ANPEP: variants seen among roughly 807,000 people sequenced by gnomAD.
ANPEP encodes the protein alanyl aminopeptidase, membrane.
In ANPEP, 70 loss-of-function variants were observed where a neutral mutation model predicts 114.6. The ratio of observed to expected loss-of-function variants is 0.61; its 90% CI spans 0.50 to 0.75. The LOEUF (loss-of-function observed/expected upper bound fraction) is 0.75, where lower values mean the gene tolerates loss of function less well. ANPEP is among the 30% of genes least tolerant of loss of function. The pLI, the probability that ANPEP is intolerant of heterozygous loss-of-function variation, is 0.00. For synonymous variants in ANPEP, 548 were observed against 522.3 expected (o/e 1.05, Z -0.67); for missense variants, 1,184 against 1,259.5 (o/e 0.94, Z 0.91).
At chr15:89,790,068 ATAAAAAAT>A (rs1443099112) in intron 20 of ANPEP, among the ~76,000 whole-genome samples, 7,216 of 138,180 alleles carry the variant, frequency 0.052, 438 homozygotes, top group African/African-American at 0.079. Flanking sequence ...CAAAAAAAAA[ATAAAAAAT>A]AAAAAAAATA....
intron 20 of ANPEP, among the ~76,000 whole-genome samples, chr15:89,789,984 G>A (rs1485119765): frequency 2.0e-5 from 3 of 150,436 alleles, no homozygotes; most frequent in South Asian, 2.1e-4. Context: ...ACGTGAACCC[G>A]GGAGGCGGAG....
Position 89,799,174 on chromosome 15 carries a change from G to T in ANPEP, c.2009+86C>A. ...CAGCACGTGGCATATGGGAAGGGCA[G>T]CAGGAGGAGCAGGGGCCCTCATTGT... On this transcript the variant is annotated intron_variant, in intron 14 of 20. Transcript: ENST00000300060. The surrounding 1 kb of genome is among the most constrained non-coding windows in gnomAD (Gnocchi z 4.2). The T allele has an allele frequency of 6.7e-7, 1 of 1,499,200 alleles. No individual in the cohort carries two copies. The highest frequency in any genetic ancestry group is 9.3e-7 in the Non-Finnish European group (1 of 1,079,332). The allele number at this position is 1,499,200 out of a possible 1,614,324, so 92.9% of individuals were successfully genotyped here. A position where few individuals can be genotyped will look rare whatever the true frequency, so the allele number is the denominator to read the frequency against.
Position 89,803,520 on chromosome 15 carries a change from T to C in ANPEP, c.1438-13A>G. ...GGACTGAGGCGCCCTGGGGTGGGGG[T>C]GAGGGGGCGCTCAGAAGGCTGTGCA... is the stretch of plus-strand genomic sequence containing the variant. On this transcript the variant is annotated splice_polypyrimidine_tract_variant and intron_variant, in intron 8 of 20. Coordinates refer to ENST00000300060, the MANE Select transcript of ANPEP (RefSeq NM_001150.3). The surrounding 1 kb of genome is among the most constrained non-coding windows in gnomAD (Gnocchi z 4.2). 6.2e-7 allele frequency: 1 copy of C among 1,605,898 alleles called. No individual in the cohort carries two copies. Among genetic ancestry groups the C allele is most frequent in the South Asian group, 1.1e-5 (1 of 90,632 alleles).
intron 20 of ANPEP, 40 bp downstream of exon 20, chr15:89,790,420 G>A: frequency 6.3e-7 from 1 of 1,584,520 alleles, no homozygotes; most frequent in Non-Finnish European, 8.7e-7. Flanking sequence ...GGCCTGGGAA[G>A]GAAGTAGGCA....
At position 89,793,031 on chromosome 15, in the gene ANPEP, T is replaced by G; in HGVS notation, c.2249+4A>C. ...CTTCCAAACCCATGAGAGCTCCCAC[T>G]CACTGGTCCATCAGGTTTTCTGGGA... On this transcript the variant is annotated splice_donor_region_variant and intron_variant, in intron 16 of 20. Transcript: ENST00000300060. 2 of 1,613,146 alleles carry G rather than the reference T, an allele frequency of 1.2e-6. No individual in the cohort carries two copies. Among genetic ancestry groups the G allele is most frequent in the East Asian group, 2.2e-5 (1 of 44,874 alleles).
chr15:89,791,094 C>A lies in ANPEP; in HGVS notation c.2529-1G>T. The A allele has an allele frequency of 6.2e-7, 1 of 1,613,902 alleles. No homozygotes were observed. ...CGGGTTCAGGGTGTAGCTCAGGTAC[C>A]TAAGAGGGCCAGATGCTGTCTCAGC... On this transcript the variant is annotated splice_acceptor_variant, in intron 18 of 20. Coordinates refer to ENST00000300060, the MANE Select transcript of ANPEP (RefSeq NM_001150.3). LOFTEE classifies it high-confidence loss of function.
chr15:89,792,692 T>A, intron 16 of ANPEP, 130 bp from the exon 17 acceptor site: 1 of 783,628 alleles, frequency 1.3e-6, no homozygotes, highest in Non-Finnish European at 2.1e-6. Flanking sequence ...ACCCCCGCTG[T>A]ATGTGCTTTG....
At chr15:89,792,381 G>C in intron 17 of ANPEP, 54 bp from the exon 18 acceptor site, 2 of 1,612,840 alleles carry the variant, frequency 1.2e-6, no homozygotes, top group African/African-American at 1.3e-5. Flanking sequence ...GGGTGGGACA[G>C]GGTTCTGCTG....
intron 1 of ANPEP, among the ~76,000 whole-genome samples, chr15:89,814,153 C>T (rs1353398450): frequency 6.6e-6 from 1 of 152,232 alleles, no homozygotes; most frequent in South Asian, 2.1e-4. Flanking sequence ...CCCCAAACCT[C>T]GGTCCCCATC....
At chr15:89,792,080 C>A in intron 18 of ANPEP, 80 bp downstream of exon 18, 1 of 1,504,840 alleles carries the variant, frequency 6.6e-7, no homozygotes, top group Non-Finnish European at 9.0e-7. Context: ...CGTGAAGGAT[C>A]TGGCGAGGAG....
rs1567160404 is a variant in ANPEP at position 89,803,725 on chromosome 15, G to A, written c.1359C>T (p.His453=). Residue 453 remains histidine (H), a synonymous_variant, in exon 8 of 21, where the codon CAC becomes CAT. Coordinates refer to ENST00000300060, the MANE Select transcript of ANPEP (RefSeq NM_001150.3). The surrounding 1 kb of genome is among the most constrained non-coding windows in gnomAD (Gnocchi z 4.2). The part of the protein sequence containing the change: ...VMAVDALASS[H]PLSTPASEIN... ...TCTCCGAGGCGGGTGTGGACAGCGG[G>A]TGGGAGGAGGCCAGTGCATCCACTG... The A allele has an allele frequency of 1.9e-6, 3 of 1,612,566 alleles. No homozygotes were observed. Among genetic ancestry groups the A allele is most frequent in the Non-Finnish European group, 2.5e-6 (3 of 1,179,242 alleles).
intron 16 of ANPEP, 74 bp downstream of exon 16, chr15:89,792,961 G>T: frequency 1.5e-6 from 2 of 1,310,962 alleles, no homozygotes; most frequent in South Asian, 1.2e-5. Context: ...CTGCGGCAGA[G>T]AACACTGCCA....
At position 89,806,044 on chromosome 15, in the gene ANPEP, G is replaced by A. The variant is rs748766763; in HGVS notation, c.540C>T (p.Ser180=). 8.1e-6 allele frequency: 13 copies of A among 1,612,268 alleles called. No homozygotes were observed. In the East Asian group the frequency reaches 1.3e-4, roughly 17 times the overall value. ...CATCTGCCAACTCCCCCTCGAACTC[G>A]CTGTCCATCTCATACTGGCTGTCCT... ...LVKDSQYEMD[S]EFEGELADDL... Residue 180 remains serine, a synonymous_variant, in exon 2 of 21, where the codon AGC becomes AGT. Transcript: ENST00000300060. The surrounding 1 kb of genome is among the most constrained non-coding windows in gnomAD (Gnocchi z 5.7).
intron 2 of ANPEP, 29 bp from the exon 3 acceptor site, chr15:89,805,492 G>A: frequency 6.2e-7 from 1 of 1,612,338 alleles, no homozygotes; most frequent in Non-Finnish European, 8.5e-7. Flanking sequence ...TAGAGGGTGT[G>A]CCAGAGCTGG....
chr15:89,814,172 GGCATCTTGGCCGGGTTGTAGGA>G (rs1894866217), intron 1 of ANPEP, among the ~76,000 whole-genome samples: 1 of 152,208 alleles, frequency 6.6e-6, no homozygotes, highest in Non-Finnish European at 1.5e-5. Context: ...TCCATGCCCC[GGCATCTTGGCCGGGTTGTAGGA>G]GCGAGGGAGA....
intron 20 of ANPEP, 26 bp downstream of exon 20, chr15:89,790,434 C>G (rs1284811812): frequency 1.2e-6 from 2 of 1,606,894 alleles, no homozygotes; most frequent in East Asian, 2.2e-5. Context: ...GTAGGCAGAG[C>G]CCAGGTCTGG....
At chr15:89,807,958 T>C (rs1176342704) in intron 1 of ANPEP, among the ~76,000 whole-genome samples, 1 of 152,202 alleles carries the variant, frequency 6.6e-6, no homozygotes, top group Non-Finnish European at 1.5e-5. Context: ...TCATCATTTA[T>C]GTGGACACAG....
rs1227960663 is a variant in ANPEP, at chr15:89,790,088, AAG to A, written c.2751+370_2751+371del. Among the ~76,000 whole-genome samples, 8 of 141,468 alleles carry A rather than the reference AAG, an allele frequency of 5.7e-5. 1 individual carries two copies. Among genetic ancestry groups the A allele is most frequent in the African/African-American group, 1.1e-4 (4 of 37,686 alleles). The allele number at this position is 141,468 out of a possible 152,430, so 92.8% of individuals were successfully genotyped here. A position where few individuals can be genotyped will look rare whatever the true frequency, so the allele number is the denominator to read the frequency against. On this transcript the variant is annotated intron_variant, in intron 20 of 20. Transcript: ENST00000300060. ...AAAAAATAAAAAATAAAAAAAATAA[AAG>A]AATGCGTTTATTTTTCATATGACTA...
At chr15:89,802,856 C>T in intron 10 of ANPEP, 2 of 269,602 alleles carry the variant, frequency 7.4e-6, no homozygotes, top group Non-Finnish European at 1.5e-5. Context: ...CAGAGACATG[C>T]CCGTGGCGCC....
Sources: gnomAD v4.1 joint callset for allele counts (sites outside exome capture counted in the v4.1 genomes callset) on GRCh38, gnomAD v4.1.1 for gene constraint, Gnocchi (gnomAD v3.1) non-coding constraint, MANE v1.5 for transcripts, NCBI Gene and HGNC (gene_info 2026-07-23, HGNC 2026-07-21) for gene names.